IPMK: variants seen among roughly 807,000 people sequenced by gnomAD.
IPMK encodes inositol 1,3,4,6-tetrakisphosphate 5-kinase.
IPMK carries 17 observed loss-of-function variants against 45.8 expected under a neutral mutation model. The observed-to-expected ratio is 0.37, with a 90% CI of 0.25 to 0.56. The LOEUF (loss-of-function observed/expected upper bound fraction) is 0.56, where lower values mean the gene tolerates loss of function less well. Among genes scored for constraint, IPMK ranks in the 20% least tolerant of loss-of-function variants. The pLI is 0.79. For synonymous variants in IPMK, 180 were observed against 184.3 expected (o/e 0.98, Z 0.19); for missense variants, 399 against 498.0 (o/e 0.80, Z 1.89).
At chr10:58,222,137 C>T (rs537430427) in intron 3 of IPMK, among the ~76,000 whole-genome samples, 33 of 152,174 alleles carry the variant, frequency 2.2e-4, no homozygotes, top group African/African-American at 7.0e-4. Context: ...CTCCTACCTT[C>T]GCCTCCCAAA....
chr10:58,259,671 T>TAAAAAAAAAAAAAAAAAAAAAAAAAAAA lies in IPMK; in HGVS notation c.190+7750_190+7751insTTTTTTTTTTTTTTTTTTTTTTTTTTTT, dbSNP rs560813021. On this transcript the variant is annotated intron_variant, in intron 1 of 5. Coordinates refer to ENST00000373935, the MANE Select transcript of IPMK (RefSeq NM_152230.5). Reference sequence around the variant, plus strand: ...AGCATGGTAAAATCCCATCTCTACATAAAAAAAAAAAAAAAACAATTAGCC... The same window carrying TAAAAAAAAAAAAAAAAAAAAAAAAAAAA: ...AGCATGGTAAAATCCCATCTCTACATAAAAAAAAAAAAAAAAAAAAAAAAAAAAAAAAAAAAAAAAAAAACAATTAGCC... 5.0e-4 allele frequency among the ~76,000 whole-genome samples: 43 copies of TAAAAAAAAAAAAAAAAAAAAAAAAAAAA among 86,718 alleles called. 2 individuals carry two copies. Among genetic ancestry groups the TAAAAAAAAAAAAAAAAAAAAAAAAAAAA allele is most frequent in the East Asian group, 9.1e-4 (2 of 2,202 alleles). 56.9% of individuals were successfully genotyped at this position (86,718 alleles called of 152,430 possible). A position where few individuals can be genotyped will look rare whatever the true frequency, so the allele number is the denominator to read the frequency against.
At chr10:58,197,326 A>AATACATACATACATACATACATAC (rs1554822222) in intron 5 of IPMK, among the ~76,000 whole-genome samples, 1 of 146,430 alleles carries the variant, frequency 6.8e-6, no homozygotes, top group African/African-American at 2.6e-5. Context: ...TAAATAAATA[A>AATACATACATACATACATACATAC]ATACATAAAT....
chr10:58,232,506 A>G (rs1838540229), intron 2 of IPMK, among the ~76,000 whole-genome samples: 1 of 152,248 alleles, frequency 6.6e-6, no homozygotes, highest in African/African-American at 2.4e-5. Context: ...CAATCAAATT[A>G]GAACTCAGGA....
rs764500371 is a variant in IPMK, at chr10:58,197,326, A to AATAAATAAATAAATACATACATACATAC, written c.629-629_629-628insGTATGTATGTATGTATTTATTTATTTAT. On this transcript the variant is annotated intron_variant, in intron 5 of 5. Coordinates refer to ENST00000373935, the MANE Select transcript of IPMK (RefSeq NM_152230.5). ...AAATAAATAAATAAATAAATAAATA[A>AATAAATAAATAAATACATACATACATAC]ATACATAAATACATAAACACATAAA... is the stretch of plus-strand genomic sequence containing the variant. Among the ~76,000 whole-genome samples, 838 of 146,476 alleles carry AATAAATAAATAAATACATACATACATAC rather than the reference A, an allele frequency of 5.7e-3. 11 individuals are homozygous for AATAAATAAATAAATACATACATACATAC. Among genetic ancestry groups the AATAAATAAATAAATACATACATACATAC allele is most frequent in the African/African-American group, 0.021 (779 of 37,964 alleles).
At chr10:58,198,040 C>T (rs1445979906) in intron 5 of IPMK, among the ~76,000 whole-genome samples, 1 of 151,990 alleles carries the variant, frequency 6.6e-6, no homozygotes, top group Non-Finnish European at 1.5e-5. Context: ...AAACAAAAAA[C>T]AAAACAAAAC....
chr10:58,191,787 A>C lies in IPMK; in HGVS notation c.*4289T>G, dbSNP rs567970524. On this transcript the variant is annotated 3_prime_UTR_variant, in exon 6 of 6. Transcript: ENST00000373935. ...ATTCATCAAGTACAATAAATTTAGC[A>C]TTGCTGCTTATAGTCACTAATAACA... is the stretch of plus-strand genomic sequence containing the variant. 6.6e-6 allele frequency: 1 copy of C among 152,248 alleles called. No homozygotes were observed. Among genetic ancestry groups the C allele is most frequent in the South Asian group, 2.1e-4 (1 of 4,832 alleles). The allele number at this position is 152,248 out of a possible 1,614,324, so 9.4% of individuals were successfully genotyped here. A position where few individuals can be genotyped will look rare whatever the true frequency, so the allele number is the denominator to read the frequency against.
intron 1 of IPMK, among the ~76,000 whole-genome samples, chr10:58,251,714 C>CT (rs890092434): frequency 1.3e-5 from 2 of 152,170 alleles, no homozygotes; most frequent in African/African-American, 4.8e-5. Context: ...GTACTACTGA[C>CT]TCCTTCACCA....
intron 1 of IPMK, among the ~76,000 whole-genome samples, chr10:58,256,313 G>A (rs1371431010): frequency 6.6e-6 from 1 of 152,130 alleles, no homozygotes; most frequent in East Asian, 1.9e-4. Context: ...TGGCCCTCTG[G>A]AAGTGTCTGC....
chr10:58,234,994 A>G (rs1430969143), intron 2 of IPMK, among the ~76,000 whole-genome samples: 2 of 152,322 alleles, frequency 1.3e-5, no homozygotes, highest in East Asian at 3.9e-4. Flanking sequence ...ACCCCATCAA[A>G]AAGGGGGCAA....
chr10:58,221,776 T>C (rs1235234423), intron 3 of IPMK, among the ~76,000 whole-genome samples: 2 of 151,916 alleles, frequency 1.3e-5, no homozygotes, highest in Non-Finnish European at 2.9e-5. Context: ...TGAAACAGGG[T>C]CTCTCTCTGT....
At chr10:58,257,054 C>T (rs1269255584) in intron 1 of IPMK, among the ~76,000 whole-genome samples, 1 of 152,016 alleles carries the variant, frequency 6.6e-6, no homozygotes, top group Non-Finnish European at 1.5e-5. Context: ...TGTAAAAGAC[C>T]CTGCTTCTAA....
At chr10:58,258,013 T>A (rs911157626) in intron 1 of IPMK, among the ~76,000 whole-genome samples, 5 of 152,060 alleles carry the variant, frequency 3.3e-5, no homozygotes, top group African/African-American at 1.2e-4. Flanking sequence ...CAATAATTGA[T>A]AAAACAAATA....
At position 58,194,175 on chromosome 10, in the gene IPMK, TTGA is replaced by T. The variant is rs981535466; in HGVS notation, c.*1898_*1900del. On this transcript the variant is annotated 3_prime_UTR_variant, in exon 6 of 6. Coordinates refer to ENST00000373935, the MANE Select transcript of IPMK (RefSeq NM_152230.5). Reference sequence around the variant, plus strand: ...GTTTATTAAATTCATTGTACATAGGTTGATATCATCCCATACAAAAAAAGCCTC... The same window carrying T: ...GTTTATTAAATTCATTGTACATAGGTTATCATCCCATACAAAAAAAGCCTC... The T allele has an allele frequency of 1.1e-4, 16 of 151,816 alleles. No individual in the cohort carries two copies. The highest frequency in any genetic ancestry group is 3.9e-4 in the African/African-American group (16 of 41,436). 9.4% of individuals were successfully genotyped at this position (151,816 alleles called of 1,614,324 possible).
At chr10:58,233,084 A>G (rs1423889431) in intron 2 of IPMK, among the ~76,000 whole-genome samples, 1 of 152,238 alleles carries the variant, frequency 6.6e-6, no homozygotes, top group Non-Finnish European at 1.5e-5. Flanking sequence ...AAATGGATAA[A>G]TTCATGGACA....
intron 1 of IPMK, among the ~76,000 whole-genome samples, chr10:58,261,604 T>C (rs953277684): frequency 6.6e-6 from 1 of 151,902 alleles, no homozygotes; most frequent in Admixed American, 6.6e-5. Flanking sequence ...TTTTTTTTTT[T>C]AGACAGTCTT....
intron 1 of IPMK, among the ~76,000 whole-genome samples, chr10:58,239,011 T>C (rs529109362): frequency 1.3e-5 from 2 of 152,192 alleles, no homozygotes; most frequent in South Asian, 4.1e-4. Flanking sequence ...TAGCTGGGCA[T>C]GGTGGCATGT....
chr10:58,244,480 G>C (rs528613576), intron 1 of IPMK, among the ~76,000 whole-genome samples: 1 of 152,202 alleles, frequency 6.6e-6, no homozygotes, highest in East Asian at 1.9e-4. Flanking sequence ...CCCCGTCTGG[G>C]AAGTGAGGAG....
intron 2 of IPMK, among the ~76,000 whole-genome samples, chr10:58,236,424 A>G (rs1838614133): frequency 6.6e-6 from 1 of 152,240 alleles, no homozygotes; most frequent in Non-Finnish European, 1.5e-5. Flanking sequence ...CACAATGCAT[A>G]GTATTAAAAA....
At chr10:58,267,346 C>CGCT in intron 1 of IPMK, 76 bp downstream of exon 1, 1 of 1,479,968 alleles carries the variant, frequency 6.8e-7, no homozygotes, top group East Asian at 2.3e-5. Flanking sequence ...GGCCCGAGAG[C>CGCT]GCTAGGCTGC....
Sources: allele counts gnomAD v4.1 joint callset (sites outside exome capture counted in the v4.1 genomes callset), GRCh38; gene constraint gnomAD v4.1.1; transcripts MANE v1.5; gene names NCBI Gene and HGNC (gene_info 2026-07-23, HGNC 2026-07-21).